Variants in DRC11 observed in about 807,000 individuals in gnomAD.
DRC11 encodes the protein dynein regulatory complex subunit 11, also known as IQ and AAA domain-containing protein 1.
chr2:236,336,559 C>A, the DRC11 span, among the ~76,000 whole-genome samples: 2 of 149,354 alleles, frequency 1.3e-5, no homozygotes, highest in Non-Finnish European at 3.0e-5. The surrounding 1 kb of genome is among the most constrained non-coding windows in gnomAD (Gnocchi z 7.3). Flanking sequence ...TGACCTTTGC[C>A]ACCATTCCCA....
chr2:236,416,719 A>ATATT, the DRC11 span, among the ~76,000 whole-genome samples: 1 of 60,850 alleles, frequency 1.6e-5, no homozygotes, highest in Non-Finnish European at 3.1e-5. Context: ...ATATATATAT[A>ATATT]TTTATATATA....
the DRC11 span, among the ~76,000 whole-genome samples, chr2:236,458,976 T>TG: frequency 6.6e-6 from 1 of 151,940 alleles, no homozygotes; most frequent in Non-Finnish European, 1.5e-5. Flanking sequence ...ACCCAGGAGT[T>TG]GGAGGTTGTA....
chr2:236,436,467 C>G, the DRC11 span, among the ~76,000 whole-genome samples: 1 of 152,066 alleles, frequency 6.6e-6, no homozygotes. Flanking sequence ...TGTGGTTTAA[C>G]ATTTTTACAT....
At chr2:236,347,559 G>C in the DRC11 span, among the ~76,000 whole-genome samples, 1 of 133,948 alleles carries the variant, frequency 7.5e-6, no homozygotes, top group Non-Finnish European at 1.7e-5. Flanking sequence ...AAAAAGAAAT[G>C]AATTAACAGC....
the DRC11 span, among the ~76,000 whole-genome samples, chr2:236,371,089 C>A: frequency 6.6e-6 from 1 of 152,102 alleles, no homozygotes; most frequent in Admixed American, 6.5e-5. This position sits in a 1 kb window ranked among gnomAD's most constrained non-coding sequence, Gnocchi z 5.1. Context: ...CTGGTGGAGA[C>A]ATCCATCCGG....
the DRC11 span, among the ~76,000 whole-genome samples, chr2:236,481,533 G>A: frequency 6.6e-6 from 1 of 152,116 alleles, no homozygotes; most frequent in African/African-American, 2.4e-5. Flanking sequence ...TCTTGGTGCT[G>A]GATATTCGTT....
the DRC11 span, among the ~76,000 whole-genome samples, chr2:236,394,037 T>C: frequency 6.6e-6 from 1 of 151,974 alleles, no homozygotes; most frequent in Non-Finnish European, 1.5e-5. This position sits in a 1 kb window ranked among gnomAD's most constrained non-coding sequence, Gnocchi z 7.0. Context: ...TATATATAAA[T>C]AAATATATAC....
At chr2:236,379,297 C>A in the DRC11 span, among the ~76,000 whole-genome samples, 1 of 126,276 alleles carries the variant, frequency 7.9e-6, no homozygotes, top group East Asian at 2.1e-4. Flanking sequence ...GGGGAGGGAA[C>A]CCCCAAACAG....
At chr2:236,372,111 C>A in the DRC11 span, among the ~76,000 whole-genome samples, 1 of 152,186 alleles carries the variant, frequency 6.6e-6, no homozygotes, top group African/African-American at 2.4e-5. This position sits in a 1 kb window ranked among gnomAD's most constrained non-coding sequence, Gnocchi z 4.5. Context: ...TCGACCGCAG[C>A]ATTTACCCCA....
At chr2:236,440,911 A>G in the DRC11 span, 2 of 633,760 alleles carry the variant, frequency 3.2e-6, no homozygotes, top group East Asian at 5.6e-5. Flanking sequence ...TGAACACCCA[A>G]AAGTATTTCC....
chr2:236,397,338 G>A, the DRC11 span, among the ~76,000 whole-genome samples: 2 of 152,164 alleles, frequency 1.3e-5, no homozygotes, highest in Admixed American at 6.5e-5. This position sits in a 1 kb window ranked among gnomAD's most constrained non-coding sequence, Gnocchi z 5.0. Flanking sequence ...AGAGAAGGGA[G>A]CCCTGCTTTC....
At chr2:236,310,153 C>A in the DRC11 span, among the ~76,000 whole-genome samples, 1 of 152,182 alleles carries the variant, frequency 6.6e-6, no homozygotes, top group Non-Finnish European at 1.5e-5. The surrounding 1 kb of genome is among the most constrained non-coding windows in gnomAD (Gnocchi z 5.5). Context: ...CAGTGGGGAT[C>A]CTTTGCTGTC....
the DRC11 span, chr2:236,493,782 C>G: frequency 6.2e-6 from 10 of 1,600,910 alleles, no homozygotes; most frequent in Admixed American, 3.4e-5. Flanking sequence ...TCAGATGTAT[C>G]TATTCCGCTG....
the DRC11 span, among the ~76,000 whole-genome samples, chr2:236,470,187 A>T: frequency 1.3e-5 from 2 of 152,192 alleles, no homozygotes; most frequent in Non-Finnish European, 2.9e-5. The surrounding 1 kb of genome is among the most constrained non-coding windows in gnomAD (Gnocchi z 5.1). Flanking sequence ...GTAAGAGAAA[A>T]TGGACATTTG....
the DRC11 span, among the ~76,000 whole-genome samples, chr2:236,453,091 G>A: frequency 6.6e-5 from 10 of 152,220 alleles, no homozygotes; most frequent in African/African-American, 2.2e-4. The surrounding 1 kb of genome is among the most constrained non-coding windows in gnomAD (Gnocchi z 4.9). Flanking sequence ...CAAAACCTGC[G>A]CCATCATTCA....
the DRC11 span, chr2:236,377,268 A>G: frequency 1.7e-5 from 13 of 764,856 alleles, no homozygotes; most frequent in Non-Finnish European, 2.9e-5. The surrounding 1 kb of genome is among the most constrained non-coding windows in gnomAD (Gnocchi z 4.9). Context: ...ATACGCGGAG[A>G]ACTTAAACCA....
chr2:236,376,159 C>T, the DRC11 span, among the ~76,000 whole-genome samples: 1 of 152,192 alleles, frequency 6.6e-6, no homozygotes, highest in East Asian at 1.9e-4. This position sits in a 1 kb window ranked among gnomAD's most constrained non-coding sequence, Gnocchi z 5.7. Flanking sequence ...ATTTTCCTGT[C>T]AAAATGTTTA....
the DRC11 span, among the ~76,000 whole-genome samples, chr2:236,327,715 G>A: frequency 3.3e-5 from 5 of 150,442 alleles, no homozygotes; most frequent in African/African-American, 1.2e-4. Context: ...ATGGAGTTTC[G>A]CTCGTTGCCC....
At chr2:236,489,528 C>G in the DRC11 span, among the ~76,000 whole-genome samples, 7 of 152,238 alleles carry the variant, frequency 4.6e-5, no homozygotes, top group African/African-American at 1.4e-4. Flanking sequence ...CAGTGCTGTT[C>G]CAGAGGCCCC....
Sources: gnomAD v4.1 joint callset for allele counts (sites outside exome capture counted in the v4.1 genomes callset) on GRCh38, gnomAD v4.1.1 for gene constraint, Gnocchi (gnomAD v3.1) non-coding constraint, MANE v1.5 for transcripts, NCBI Gene and HGNC (gene_info 2026-07-23, HGNC 2026-07-21) for gene names.